DSC3: variants seen among roughly 807,000 people sequenced by gnomAD.
DSC3 encodes desmocollin-3.
In DSC3, 97 loss-of-function variants were observed where a neutral mutation model predicts 89.5. The ratio of observed to expected loss-of-function variants is 1.08; its 90% CI spans 0.92 to 1.28. The LOEUF (loss-of-function observed/expected upper bound fraction) is 1.28. Ranked by LOEUF, DSC3 falls within the 50% of genes most tolerant of loss-of-function variation. The pLI is 0.00. For synonymous variants in DSC3, 436 were observed against 384.1 expected, an observed-to-expected ratio of 1.14 and a Z score of -1.58; for missense variants, 1,199 against 1,085.3, an observed-to-expected ratio of 1.10 and a Z score of -1.47.
chr18:31,040,893 G>A (rs1050641978), intron 1 of DSC3, among the ~76,000 whole-genome samples: 8 of 152,052 alleles, frequency 5.3e-5, no homozygotes, highest in Non-Finnish European at 1.0e-4. Flanking sequence ...GTCCGAAATT[G>A]CAAGTGTTTG....
At chr18:31,025,717 T>C (rs1447801770) in intron 5 of DSC3, 43 bp downstream of exon 5, 2 of 1,586,010 alleles carry the variant, frequency 1.3e-6, no homozygotes, top group Non-Finnish European at 1.7e-6. Context: ...AGAAGAAACA[T>C]AGTTTAATAA....
chr18:31,001,650 A>G lies in DSC3; in HGVS notation c.2203T>C (p.Ser735Pro), dbSNP rs375939292. The G allele has an allele frequency of 6.2e-7, 1 of 1,611,416 alleles. No individual in the cohort carries two copies. Among genetic ancestry groups the G allele is most frequent in the South Asian group, 1.1e-5 (1 of 90,530 alleles). ...EDLAQQNLII[S>P]NTEAPGDDRV... is the part of the protein sequence containing the mutation. ...TCGTCTCCAGGTGCTTCTGTGTTTG[A>G]TATAATTAAGTTTTGCTGTGCTAAA... Residue 735 changes from serine to proline, a missense_variant, in exon 14 of 16, where the codon TCA becomes CCA. By Grantham distance (74) the Ser-to-Pro change is moderately conservative (BLOSUM62 -1). Transcript: ENST00000360428.
At chr18:30,995,131 C>G (rs1984411689) in intron 15 of DSC3, among the ~76,000 whole-genome samples, 1 of 152,238 alleles carries the variant, frequency 6.6e-6, no homozygotes, top group Non-Finnish European at 1.5e-5. Flanking sequence ...TGCCACTGGC[C>G]TGTCTGCCAA....
chr18:31,018,383 G>A (rs937429090), intron 8 of DSC3, 127 bp from the exon 9 acceptor site: 66 of 788,904 alleles, frequency 8.4e-5, no homozygotes, highest in South Asian at 2.0e-4. Flanking sequence ...ACTATGAATC[G>A]TAAACACTAT....
chr18:31,009,487 A>T (rs1045643394), intron 9 of DSC3, among the ~76,000 whole-genome samples: 4 of 152,206 alleles, frequency 2.6e-5, no homozygotes, highest in African/African-American at 9.6e-5. Flanking sequence ...TCCTTCATGA[A>T]TGAGTTAAAA....
Position 31,042,680 on chromosome 18 carries a change from A to G in DSC3, c.-20T>C. The stretch of plus-strand genomic sequence containing the variant: ...GGCCATCGGGATGCCGGGCAGGGCC[A>G]GGAGAACGCGGGCGCCGGGAGGGTG... On this transcript the variant is annotated 5_prime_UTR_variant, in exon 1 of 16. Coordinates refer to ENST00000360428, the MANE Select transcript of DSC3 (RefSeq NM_001941.5). The G allele has an allele frequency of 6.5e-7, 1 of 1,546,806 alleles. No individual in the cohort carries two copies. The highest frequency in any genetic ancestry group is 8.7e-7 in the Non-Finnish European group (1 of 1,145,006).
chr18:31,039,781 G>T (rs1380543402), intron 1 of DSC3, among the ~76,000 whole-genome samples: 1 of 152,138 alleles, frequency 6.6e-6, no homozygotes, highest in Admixed American at 6.5e-5. Context: ...ACGTGCTTCC[G>T]TATCTAGCTG....
chr18:31,015,186 G>A (rs1322279751), intron 9 of DSC3, among the ~76,000 whole-genome samples: 1 of 152,064 alleles, frequency 6.6e-6, no homozygotes, highest in Non-Finnish European at 1.5e-5. Flanking sequence ...GTATATAAAT[G>A]TATTGGGGAA....
intron 12 of DSC3, 126 bp from the exon 13 acceptor site, chr18:31,004,492 A>C (rs1984772664): frequency 1.2e-6 from 1 of 816,206 alleles, no homozygotes; most frequent in Non-Finnish European, 1.9e-6. Flanking sequence ...AAATAAATAA[A>C]AATGGAGGAC....
At chr18:31,002,007 G>C (rs1984680202) in intron 13 of DSC3, among the ~76,000 whole-genome samples, 1 of 151,792 alleles carries the variant, frequency 6.6e-6, no homozygotes, top group Non-Finnish European at 1.5e-5. Context: ...GAGTTAAGCA[G>C]TACATAAAGA....
At chr18:30,994,566 T>A in intron 15 of DSC3, 194 bp from the exon 16 acceptor site, 1 of 1,240,570 alleles carries the variant, frequency 8.1e-7, no homozygotes, top group Non-Finnish European at 1.1e-6. Context: ...AGTTTACATT[T>A]CTAGTGCTCC....
intron 12 of DSC3, among the ~76,000 whole-genome samples, chr18:31,006,674 C>A (rs898385043): frequency 1.3e-5 from 2 of 152,154 alleles, no homozygotes; most frequent in South Asian, 2.1e-4. Context: ...AACATTTTAA[C>A]AAAGCTTTCC....
intron 4 of DSC3, among the ~76,000 whole-genome samples, chr18:31,028,362 A>G (rs1985672131): frequency 6.6e-6 from 1 of 152,174 alleles, no homozygotes; most frequent in Non-Finnish European, 1.5e-5. Flanking sequence ...TGTCAAATGT[A>G]AATATGTCAA....
chr18:31,020,039 T>C (rs188340081), intron 7 of DSC3, among the ~76,000 whole-genome samples: 268 of 152,242 alleles, frequency 1.8e-3, no homozygotes, highest in African/African-American at 6.2e-3. Context: ...GTAAACACTA[T>C]TGAGGTTGGC....
intron 12 of DSC3, among the ~76,000 whole-genome samples, chr18:31,004,633 C>CAT (rs1302597368): frequency 6.6e-6 from 1 of 152,154 alleles, no homozygotes; most frequent in Admixed American, 6.5e-5. Context: ...TTTATCTATA[C>CAT]AAACTAATAC....
In DSC3 at chr18:30,993,956, G is replaced by T. The variant is rs372793648; in HGVS notation, c.*219C>A. The T allele has an allele frequency of 1.9e-5, 9 of 482,522 alleles. No homozygotes were observed. Among genetic ancestry groups the T allele is most frequent in the Non-Finnish European group, 3.8e-6 (1 of 266,288 alleles). The allele number at this position is 482,522 out of a possible 1,614,324, so 29.9% of individuals were successfully genotyped here. A position where few individuals can be genotyped will look rare whatever the true frequency, so the allele number is the denominator to read the frequency against. ...AGATGCTTTAGAGACCTTAATTCCA[G>T]TGCTGGAGTTTGAGATTTACCAGTT... On this transcript the variant is annotated 3_prime_UTR_variant, in exon 16 of 16. Coordinates refer to ENST00000360428, the MANE Select transcript of DSC3 (RefSeq NM_001941.5).
chr18:30,994,226 A>G lies in DSC3; in HGVS notation c.2640T>C (p.Asn880=). ...KQEEDGLDFL[N]NLEPKFITLA... The stretch of plus-strand genomic sequence containing the variant: ...ATGTAATAAATTTGGGTTCCAAATT[A>G]TTTAAAAAGTCAAGGCCATCTTCTT... The change falls in exon 16 of 16, where the codon AAT becomes AAC. Residue 880 remains asparagine (N), a synonymous_variant. Coordinates refer to ENST00000360428, the MANE Select transcript of DSC3 (RefSeq NM_001941.5). 1.2e-6 allele frequency: 2 copies of G among 1,614,104 alleles called. No individual in the cohort carries two copies. Among genetic ancestry groups the G allele is most frequent in the Non-Finnish European group, 1.7e-6 (2 of 1,179,992 alleles).
At chr18:31,028,588 C>G (rs1003215823) in intron 4 of DSC3, among the ~76,000 whole-genome samples, 2 of 151,924 alleles carry the variant, frequency 1.3e-5, no homozygotes, top group African/African-American at 4.8e-5. Flanking sequence ...ATGTGAATGA[C>G]TGTGGAAGGA....
intron 9 of DSC3, among the ~76,000 whole-genome samples, chr18:31,012,377 T>A (rs1985099304): frequency 6.6e-6 from 1 of 152,160 alleles, no homozygotes; most frequent in Admixed American, 6.5e-5. Context: ...AGAGGCGACA[T>A]AAGAGAAGCA....
Sources: gnomAD v4.1 joint callset for allele counts (sites outside exome capture counted in the v4.1 genomes callset) on GRCh38, gnomAD v4.1.1 for gene constraint, MANE v1.5 for transcripts, NCBI Gene and HGNC (gene_info 2026-07-23, HGNC 2026-07-21) for gene names.